The following TTC39B variants were observed in gnomAD, a reference collection of about 807,000 sequenced individuals.
TTC39B encodes tetratricopeptide repeat domain 39B, also known as tetratricopeptide repeat protein 39B.
A neutral mutation model predicts 96.6 loss-of-function variants in TTC39B; 92 were observed. The ratio of observed to expected loss-of-function variants is 0.95; its 90% CI spans 0.80 to 1.13. The LOEUF (loss-of-function observed/expected upper bound fraction) is 1.13. Among genes scored for constraint, TTC39B ranks in the 50% most tolerant of loss-of-function variants. TTC39B has a pLI of 0.00. For missense variants in TTC39B, 955 were observed against 809.3 expected (o/e 1.18, Z -2.18); for synonymous variants, 367 against 299.4 (o/e 1.23, Z -2.33).
intron 7 of TTC39B, among the ~76,000 whole-genome samples, chr9:15,201,623 G>C (rs145704252): frequency 1.3e-5 from 2 of 152,320 alleles, no homozygotes; most frequent in East Asian, 3.9e-4. Flanking sequence ...GTTTGGCCAT[G>C]TGTGCATATG....
At chr9:15,301,154 C>G in intron 1 of TTC39B, among the ~76,000 whole-genome samples, 1 of 152,160 alleles carries the variant, frequency 6.6e-6, no homozygotes, top group Non-Finnish European at 1.5e-5. Flanking sequence ...TACCATCTCT[C>G]CTTTCAAGTC....
intron 2 of TTC39B, among the ~76,000 whole-genome samples, chr9:15,259,688 A>T (rs1436912814): frequency 6.6e-6 from 1 of 152,190 alleles, no homozygotes; most frequent in Non-Finnish European, 1.5e-5. Context: ...TTCCAACATT[A>T]TGATGGGTTT....
At chr9:15,291,689 T>C (rs1048241475) in intron 1 of TTC39B, among the ~76,000 whole-genome samples, 3 of 152,104 alleles carry the variant, frequency 2.0e-5, no homozygotes, top group African/African-American at 7.2e-5. Flanking sequence ...TTTTAAGCCA[T>C]TACCAGTTGA....
exon 20 of TTC39B, chr9:15,164,574 A>AAT (rs1461342732): frequency 1.3e-5 from 2 of 152,238 alleles, no homozygotes; most frequent in Non-Finnish European, 2.9e-5. Flanking sequence ...GTAATAAAAA[A>AAT]ATACTTCTCA....
intron 2 of TTC39B, among the ~76,000 whole-genome samples, chr9:15,237,150 A>T (rs1300280404): frequency 1.3e-5 from 2 of 152,186 alleles, no homozygotes; most frequent in Admixed American, 1.3e-4. Context: ...CGTCATCTCC[A>T]TTAAAAATAC....
At chr9:15,271,525 G>C (rs1012907282) in intron 1 of TTC39B, among the ~76,000 whole-genome samples, 5 of 152,104 alleles carry the variant, frequency 3.3e-5, no homozygotes, top group African/African-American at 1.2e-4. Flanking sequence ...GCGCAACCTA[G>C]ATCACTTGCA....
intron 1 of TTC39B, among the ~76,000 whole-genome samples, chr9:15,273,945 A>G (rs756088074): frequency 6.6e-6 from 1 of 152,206 alleles, no homozygotes; most frequent in Admixed American, 6.5e-5. Flanking sequence ...ACGTGTCTAC[A>G]TGGCATCCAC....
At chr9:15,182,995 A>G (rs1322930443) in intron 16 of TTC39B, among the ~76,000 whole-genome samples, 1 of 152,216 alleles carries the variant, frequency 6.6e-6, no homozygotes, top group African/African-American at 2.4e-5. Context: ...ATTATATTTA[A>G]TGGGCTACCA....
chr9:15,264,654 TAA>T (rs546870324), intron 2 of TTC39B, among the ~76,000 whole-genome samples: 16 of 118,052 alleles, frequency 1.4e-4, no homozygotes, highest in South Asian at 2.8e-4. Flanking sequence ...GACTCTGTCT[TAA>T]AAAAAAAAAA....
intron 1 of TTC39B, among the ~76,000 whole-genome samples, chr9:15,301,033 C>T (rs1199101625): frequency 1.3e-5 from 2 of 152,050 alleles, no homozygotes. Context: ...TGACACTCTC[C>T]TTCCCACTGT....
intron 5 of TTC39B, 27 bp downstream of exon 5, chr9:15,211,239 T>C (rs745975374): frequency 6.8e-6 from 10 of 1,479,662 alleles, no homozygotes; most frequent in Non-Finnish European, 9.0e-6. Flanking sequence ...TGCAGTCACA[T>C]CTTAAGTATT....
chr9:15,277,199 C>T (rs1415262114), intron 1 of TTC39B, among the ~76,000 whole-genome samples: 3 of 152,246 alleles, frequency 2.0e-5, no homozygotes, highest in East Asian at 1.9e-4. Flanking sequence ...GAGGCAGAGG[C>T]GGGTGGATCA....
At chr9:15,258,406 T>G (rs1287506626) in intron 2 of TTC39B, among the ~76,000 whole-genome samples, 1 of 152,200 alleles carries the variant, frequency 6.6e-6, no homozygotes, top group Non-Finnish European at 1.5e-5. Context: ...AGTTTTCAGA[T>G]AAACAAAGGA....
intron 1 of TTC39B, among the ~76,000 whole-genome samples, chr9:15,300,885 C>A (rs1824559327): frequency 8.9e-6 from 1 of 112,502 alleles, no homozygotes; most frequent in African/African-American, 3.3e-5. Flanking sequence ...GAGTAAAACT[C>A]CGTCTCAAAA....
rs186782868 is a variant in TTC39B at position 15,224,864 on chromosome 9, C to A, written c.371+1053G>T. 1.1e-3 allele frequency among the ~76,000 whole-genome samples: 160 copies of A among 152,308 alleles called. No homozygotes were observed. In the East Asian group the frequency reaches 0.013, roughly 12 times the overall value. On this transcript the variant is annotated intron_variant, in intron 3 of 19. Coordinates refer to ENST00000512701, the Ensembl canonical transcript of TTC39B. ...TTTTCACTTTATCTCCATTCTGTAA[C>A]CTTTTCTATATATTGCGAGGGTAGA...
exon 20 of TTC39B, chr9:15,169,919 G>A (rs2118354925): frequency 6.6e-6 from 1 of 152,190 alleles, no homozygotes; most frequent in East Asian, 1.9e-4. Context: ...GCACTGACTT[G>A]CAGCTTCTCA....
intron 3 of TTC39B, among the ~76,000 whole-genome samples, 154 bp downstream of exon 3, chr9:15,225,763 T>A (rs1467021153): frequency 1.3e-5 from 2 of 152,256 alleles, no homozygotes; most frequent in African/African-American, 4.8e-5. Flanking sequence ...TCTCCTTCCC[T>A]GATTTATAAA....
chr9:15,184,022 G>A (rs1188729375), intron 16 of TTC39B, among the ~76,000 whole-genome samples: 1 of 152,082 alleles, frequency 6.6e-6, no homozygotes. Flanking sequence ...CTCATAGAAT[G>A]TATAAAAGGC....
rs77252645 is a variant in TTC39B at position 15,218,426 on chromosome 9, G to T, written c.372-4177C>A. On this transcript the variant is annotated intron_variant, in intron 3 of 19. Transcript: ENST00000512701. ...GCAATGGTTGTTATGAGTGTGTTTT[G>T]TGAACTTTCAAGCCCTATGCAAGTT... Among the ~76,000 whole-genome samples, 371 of 152,046 alleles carry T rather than the reference G, an allele frequency of 2.4e-3. 2 individuals are homozygous for T. The highest frequency in any genetic ancestry group is 8.5e-3 in the African/African-American group (353 of 41,440).
Sources: gnomAD v4.1 joint callset for allele counts (sites outside exome capture counted in the v4.1 genomes callset) on GRCh38, gnomAD v4.1.1 for gene constraint, MANE v1.5 for transcripts, NCBI Gene and HGNC (gene_info 2026-07-23, HGNC 2026-07-21) for gene names.